MPDZ: variants seen among roughly 807,000 people sequenced by gnomAD.
MPDZ encodes multiple PDZ domain protein.
A neutral mutation model predicts 239.1 loss-of-function variants in MPDZ; 234 were observed. The ratio of observed to expected loss-of-function variants is 0.98; its 90% CI spans 0.88 to 1.09. MPDZ has a LOEUF of 1.09. MPDZ is among the 50% of genes least tolerant of loss of function. MPDZ has a pLI of 0.00. For synonymous variants in MPDZ, 1,048 were observed against 881.3 expected, an observed-to-expected ratio of 1.19 and a Z score of -3.35; for missense variants, 3,175 against 2,510.0, an observed-to-expected ratio of 1.26 and a Z score of -5.66.
At chr9:13,205,777 G>A (rs971375024) in intron 11 of MPDZ, 139 bp downstream of exon 11, 17 of 725,690 alleles carry the variant, frequency 2.3e-5, no homozygotes, top group Non-Finnish European at 3.1e-5. Context: ...TACTCGCCTT[G>A]GTTTATAATG....
Position 13,205,103 on chromosome 9 carries a change from A to G in MPDZ, c.1479T>C (p.Asn493=). The change falls in exon 12 of 47, where the codon AAT becomes AAC. Residue 493 remains asparagine, a synonymous_variant. Coordinates refer to ENST00000319217, the MANE Select transcript of MPDZ (RefSeq NM_001378778.1). ...SPVNASIIKE[N]YEKDEDFLSS... The stretch of plus-strand genomic sequence containing the variant: ...ATAAAAAATCTTCATCTTTTTCATA[A>G]TTTTCTTAAAGATAAAAATATTTTA... 7.1e-7 allele frequency: 1 copy of G among 1,401,674 alleles called. No individual in the cohort carries two copies. Among genetic ancestry groups the G allele is most frequent in the South Asian group, 1.6e-5 (1 of 63,258 alleles). The allele number at this position is 1,401,674 out of a possible 1,614,324, so 86.8% of individuals were successfully genotyped here.
At chr9:13,225,992 A>ACCTTCTAGT (rs898219734) in intron 3 of MPDZ, among the ~76,000 whole-genome samples, 4 of 152,176 alleles carry the variant, frequency 2.6e-5, no homozygotes, top group Admixed American at 2.6e-4. Context: ...ACTCTCTAAG[A>ACCTTCTAGT]CCTTCTAGTG....
At chr9:13,269,237 G>C (rs190437576) in intron 1 of MPDZ, among the ~76,000 whole-genome samples, 6 of 152,208 alleles carry the variant, frequency 3.9e-5, no homozygotes, top group African/African-American at 1.4e-4. Flanking sequence ...TTAGCCAAAA[G>C]AACAGCAGAA....
chr9:13,278,900 G>C (rs10960998), intron 1 of MPDZ: 1 of 152,214 alleles, frequency 6.6e-6, no homozygotes. Context: ...CCCTGCAGGG[G>C]AGAGCAACAG....
Position 13,183,453 on chromosome 9 carries a change from T to A in MPDZ, c.2614A>T (p.Asn872Tyr), listed in dbSNP as rs1953651909. 1 of 1,611,464 alleles carries A rather than the reference T, an allele frequency of 6.2e-7. No individual in the cohort carries two copies. Among genetic ancestry groups the A allele is most frequent in the African/African-American group, 1.3e-5 (1 of 74,900 alleles). ...LHGSSCGDGLNYGSSLPSSPP... is the reference protein window; with the variant it reads ...LHGSSCGDGLYYGSSLPSSPP... ...GATGATGGAAGGGAAGAACCATAGT[T>A]CAGGCCATCACCACAAGAACTGCCA... Residue 872 changes from asparagine (N) to tyrosine (Y), a missense_variant, in exon 19 of 47, where the codon AAC (asparagine) becomes TAC (tyrosine). Transcript: ENST00000319217.
intron 3 of MPDZ, among the ~76,000 whole-genome samples, chr9:13,226,390 C>G (rs1960623764): frequency 6.6e-6 from 1 of 152,074 alleles, no homozygotes; most frequent in Non-Finnish European, 1.5e-5. Context: ...AACTACTTAT[C>G]AGAAAGCTTA....
intron 1 of MPDZ, among the ~76,000 whole-genome samples, chr9:13,269,356 T>C (rs1249467254): frequency 6.6e-6 from 1 of 152,218 alleles, no homozygotes; most frequent in Admixed American, 6.5e-5. Flanking sequence ...TTTAATTTCA[T>C]GAAGGTAGGA....
rs1377500415 is a variant in MPDZ at position 13,193,331 on chromosome 9, A to AG, written c.1657-19_1657-18insC. 1.3e-6 allele frequency: 2 copies of AG among 1,574,522 alleles called. No individual in the cohort carries two copies. The highest frequency in any genetic ancestry group is 1.7e-6 in the Non-Finnish European group (2 of 1,162,682). Reference sequence around the variant, plus strand: ...TGGGCCACCTGAAAAGAAAAAAAAAAAGATCACCACAATTTTTATATTCTT... The same window carrying AG: ...TGGGCCACCTGAAAAGAAAAAAAAAAGAGATCACCACAATTTTTATATTCTT... On this transcript the variant is annotated intron_variant, in intron 13 of 46. Coordinates refer to ENST00000319217, the MANE Select transcript of MPDZ (RefSeq NM_001378778.1).
intron 1 of MPDZ, among the ~76,000 whole-genome samples, chr9:13,261,639 C>T (rs1180259440): frequency 6.6e-6 from 1 of 152,108 alleles, no homozygotes; most frequent in Non-Finnish European, 1.5e-5. Flanking sequence ...GAAGCTCCTA[C>T]ACTTGATGGG....
At chr9:13,115,950 CAAAA>C (rs71491603) in intron 39 of MPDZ, among the ~76,000 whole-genome samples, 3 of 40,616 alleles carry the variant, frequency 7.4e-5, no homozygotes, top group African/African-American at 9.8e-5. Context: ...GACTCCACCT[CAAAA>C]AAAAAAAAAA....
intron 1 of MPDZ, among the ~76,000 whole-genome samples, chr9:13,278,264 T>C (rs912238155): frequency 6.6e-6 from 1 of 152,102 alleles, no homozygotes; most frequent in Admixed American, 6.5e-5. Context: ...TAGGAAACAC[T>C]AGCCTCCAAC....
chr9:13,225,088 A>T (rs763958912), intron 3 of MPDZ, among the ~76,000 whole-genome samples: 1 of 152,122 alleles, frequency 6.6e-6, no homozygotes, highest in African/African-American at 2.4e-5. Context: ...CCAATAAAAA[A>T]TGCTGAACAC....
intron 8 of MPDZ, 96 bp downstream of exon 8, chr9:13,219,463 A>C: frequency 9.5e-7 from 1 of 1,049,172 alleles, no homozygotes. Flanking sequence ...GCACTAATAT[A>C]GGAACATTAG....
chr9:13,110,527 TAAATA>T (rs1942273279), intron 44 of MPDZ, 104 bp downstream of exon 44: 1 of 764,068 alleles, frequency 1.3e-6, no homozygotes, highest in Non-Finnish European at 2.2e-6. Context: ...AGAGAAATAT[TAAATA>T]AAATAATAGC....
At position 13,236,263 on chromosome 9, in the gene MPDZ, ATATATTTTTTTTTTTT is replaced by A. The variant is rs1429735843; in HGVS notation, c.183+11356_183+11371del. Among the ~76,000 whole-genome samples the A allele has an allele frequency of 2.9e-4, 4 of 13,820 alleles. 1 individual carries two copies. The highest frequency in any genetic ancestry group is 4.7e-4 in the African/African-American group (3 of 6,450). The allele number at this position is 13,820 out of a possible 152,430, so 9.1% of individuals were successfully genotyped here. A position where few individuals can be genotyped will look rare whatever the true frequency, so the allele number is the denominator to read the frequency against. On this transcript the variant is annotated intron_variant, in intron 3 of 46. Coordinates refer to ENST00000319217, the MANE Select transcript of MPDZ (RefSeq NM_001378778.1). The stretch of plus-strand genomic sequence containing the variant: ...TGTGTGTGTGTGTATATATATATAT[ATATATTTTTTTTTTTT>A]TTTTTTTTTTTTTTTGAGACAGAGT...
At chr9:13,269,694 A>C (rs1972539059) in intron 1 of MPDZ, among the ~76,000 whole-genome samples, 1 of 152,242 alleles carries the variant, frequency 6.6e-6, no homozygotes, top group Non-Finnish European at 1.5e-5. Context: ...ATTCCTAGAG[A>C]GAACCCTGTA....
At chr9:13,185,513 G>A (rs1177093695) in intron 18 of MPDZ, among the ~76,000 whole-genome samples, 1 of 152,056 alleles carries the variant, frequency 6.6e-6, no homozygotes, top group Non-Finnish European at 1.5e-5. Flanking sequence ...AAAAAACGTT[G>A]AGTAAGGAAC....
At chr9:13,279,220 C>T (rs1975005753) in intron 1 of MPDZ, 180 bp downstream of exon 1, 1 of 143,684 alleles carries the variant, frequency 7.0e-6, no homozygotes, top group Non-Finnish European at 1.5e-5. Context: ...AAGCGCACCG[C>T]CCCACCGCCC....
intron 2 of MPDZ, among the ~76,000 whole-genome samples, chr9:13,249,128 A>ACACG (rs1554722802): frequency 2.2e-4 from 34 of 151,244 alleles, no homozygotes; most frequent in East Asian, 9.8e-4. Flanking sequence ...ACACACACAC[A>ACACG]CACACACACA....
Sources: allele counts gnomAD v4.1 joint callset (sites outside exome capture counted in the v4.1 genomes callset), GRCh38; gene constraint gnomAD v4.1.1; transcripts MANE v1.5; gene names NCBI Gene and HGNC (gene_info 2026-07-23, HGNC 2026-07-21).